Variants in GOLGA4 observed in about 807,000 individuals in gnomAD.
The protein encoded by GOLGA4 is golgin A4, also known as golgin subfamily A member 4.
A neutral mutation model predicts 265.9 loss-of-function variants in GOLGA4; 169 were observed. The observed-to-expected ratio is 0.64, with a 90% CI of 0.56 to 0.72. GOLGA4 has a LOEUF of 0.72. GOLGA4 is among the 30% of genes least tolerant of loss of function. The pLI, the probability that GOLGA4 is intolerant of heterozygous loss-of-function variation, is 0.00. For synonymous variants in GOLGA4, 923 were observed against 855.8 expected (o/e 1.08, Z -1.37); for missense variants, 2,482 against 2,483.4 (o/e 1.00, Z 0.01).
Position 37,243,465 on chromosome 3 carries a change from A to G in GOLGA4, c.-86A>G. On this transcript the variant is annotated 5_prime_UTR_variant, in exon 1 of 24. Coordinates refer to ENST00000361924, the MANE Select transcript of GOLGA4 (RefSeq NM_002078.5). ...GCCCCCGCTGTCCCTGGTGTAAAGA[A>G]GTCGCCGTAGCCGTCGCGGCCGGGA... The G allele has an allele frequency of 8.7e-7, 1 of 1,143,618 alleles. No homozygotes were observed. The highest frequency in any genetic ancestry group is 1.3e-6 in the Non-Finnish European group (1 of 753,660). 70.8% of individuals were successfully genotyped at this position (1,143,618 alleles called of 1,614,324 possible).
At position 37,251,316 on chromosome 3, in the gene GOLGA4, A is replaced by G. The variant is rs2096733015; in HGVS notation, c.73-79A>G. On this transcript the variant is annotated intron_variant, in intron 1 of 23. Transcript: ENST00000361924. ...CTTTCACTGAATTCTTTGGGCATGG[A>G]CTGAGAGAAGGACTACCTAGTTCAT... 4 of 822,278 alleles carry G rather than the reference A, an allele frequency of 4.9e-6. No homozygotes were observed. In the South Asian group the frequency reaches 5.9e-5, roughly 12 times the overall value. The allele number at this position is 822,278 out of a possible 1,614,324, so 50.9% of individuals were successfully genotyped here. A position where few individuals can be genotyped will look rare whatever the true frequency, so the allele number is the denominator to read the frequency against.
At chr3:37,291,289 A>G (rs533449598) in intron 5 of GOLGA4, among the ~76,000 whole-genome samples, 9 of 151,702 alleles carry the variant, frequency 5.9e-5, no homozygotes, top group East Asian at 3.9e-4. Flanking sequence ...TTTCCTTCCT[A>G]TGCTCAGCCC....
At chr3:37,279,803 A>G (rs2096829777) in intron 2 of GOLGA4, among the ~76,000 whole-genome samples, 1 of 151,984 alleles carries the variant, frequency 6.6e-6, no homozygotes, top group Non-Finnish European at 1.5e-5. Context: ...GCTACTTGGA[A>G]GGCTGAGGCA....
chr3:37,337,931 C>T (rs533538281), intron 19 of GOLGA4, among the ~76,000 whole-genome samples, 197 bp downstream of exon 19: 1 of 152,210 alleles, frequency 6.6e-6, no homozygotes, highest in South Asian at 2.1e-4. Context: ...ACATTTGTAT[C>T]ATATTATTTT....
At chr3:37,251,872 G>A (rs1178659903) in intron 2 of GOLGA4, among the ~76,000 whole-genome samples, 1 of 152,040 alleles carries the variant, frequency 6.6e-6, no homozygotes, top group Admixed American at 6.6e-5. Context: ...TTCGTAGACG[G>A]GGTCCCACTA....
intron 5 of GOLGA4, among the ~76,000 whole-genome samples, chr3:37,291,753 T>G (rs1305198380): frequency 2.0e-5 from 3 of 152,170 alleles, no homozygotes; most frequent in Non-Finnish European, 4.4e-5. Flanking sequence ...AGACCAGAGG[T>G]AAGGGAATAT....
At chr3:37,318,714 C>T (rs1237408133) in intron 11 of GOLGA4, among the ~76,000 whole-genome samples, 2 of 152,218 alleles carry the variant, frequency 1.3e-5, no homozygotes, top group East Asian at 1.9e-4. Flanking sequence ...ATTGGTGCAG[C>T]GAGGGCGCAC....
Position 37,324,256 on chromosome 3 carries a change from A to G in GOLGA4, c.2370A>G (p.Glu790=). 6.2e-7 allele frequency: 1 copy of G among 1,614,202 alleles called. No homozygotes were observed. The highest frequency in any genetic ancestry group is 1.1e-5 in the South Asian group (1 of 91,084). ...TAGAGGCAGATATTAAAAGGTCTGA[A>G]GGGGAACTCCAGCAGGCATCTGCTA... ...ENLEADIKRS[E]GELQQASAKL... Residue 790 remains glutamate, a synonymous_variant, in exon 14 of 24, where the codon GAA becomes GAG. Coordinates refer to ENST00000361924, the MANE Select transcript of GOLGA4 (RefSeq NM_002078.5).
At chr3:37,248,808 G>A (rs139790582) in intron 1 of GOLGA4, among the ~76,000 whole-genome samples, 1 of 152,274 alleles carries the variant, frequency 6.6e-6, no homozygotes, top group East Asian at 1.9e-4. Context: ...AAGACGTAAT[G>A]CCAATTTTTC....
At chr3:37,350,395 T>C (rs1409561730) in intron 21 of GOLGA4, among the ~76,000 whole-genome samples, 2 of 152,160 alleles carry the variant, frequency 1.3e-5, no homozygotes, top group Non-Finnish European at 2.9e-5. Context: ...CCAAACATGC[T>C]TGTGCATGCA....
intron 2 of GOLGA4, chr3:37,276,435 A>G (rs2096818972): frequency 2.5e-6 from 4 of 1,609,362 alleles, no homozygotes; most frequent in East Asian, 2.2e-5. Context: ...ATCAGAGAGC[A>G]TCAGATGGCC....
Position 37,325,488 on chromosome 3 carries a change from A to C in GOLGA4, c.3602A>C (p.Asp1201Ala). 1 of 1,613,706 alleles carries C rather than the reference A, an allele frequency of 6.2e-7. No homozygotes were observed. Among genetic ancestry groups the C allele is most frequent in the African/African-American group, 1.3e-5 (1 of 75,034 alleles). The stretch of plus-strand genomic sequence containing the variant: ...GAAAAAAGTAACAAAAGCCTAGAGG[A>C]CAAGAGCTTGGAATTTAAAAAACTG... Reference protein sequence around the residue: ...SHEKSNKSLEDKSLEFKKLSE... With the variant: ...SHEKSNKSLEAKSLEFKKLSE... The change falls in exon 14 of 24, where the codon GAC becomes GCC. Residue 1201 changes from aspartate to alanine, a missense_variant. Asp to Ala is a moderately radical substitution (Grantham distance 126, BLOSUM62 -2). Coordinates refer to ENST00000361924, the MANE Select transcript of GOLGA4 (RefSeq NM_002078.5).
chr3:37,335,963 G>A (rs1038264369), intron 17 of GOLGA4, among the ~76,000 whole-genome samples: 1 of 152,136 alleles, frequency 6.6e-6, no homozygotes, highest in Non-Finnish European at 1.5e-5. Flanking sequence ...GGGGTAATGG[G>A]AAAGTGGGTG....
chr3:37,289,992 T>C (rs1014296791), intron 5 of GOLGA4, among the ~76,000 whole-genome samples: 1 of 152,236 alleles, frequency 6.6e-6, no homozygotes, highest in Admixed American at 6.5e-5. Flanking sequence ...TTTGTTACTT[T>C]CTGTTAATTT....
In GOLGA4 at chr3:37,314,366, T is replaced by C. The variant is rs535584191; in HGVS notation, c.1235-1054T>C. ...TGGCTTCCTTAAAGACCTGGCCAGA[T>C]GCAGTGTCTCATGCCTGTAATTCCA... is the stretch of plus-strand genomic sequence containing the variant. On this transcript the variant is annotated intron_variant, in intron 10 of 23. Coordinates refer to ENST00000361924, the MANE Select transcript of GOLGA4 (RefSeq NM_002078.5). Among the ~76,000 whole-genome samples, 691 of 152,168 alleles carry C rather than the reference T, an allele frequency of 4.5e-3. 5 individuals carry two copies. Among genetic ancestry groups the C allele is most frequent in the Non-Finnish European group, 7.7e-3 (521 of 67,990 alleles).
intron 16 of GOLGA4, among the ~76,000 whole-genome samples, chr3:37,331,556 G>C (rs375610934): frequency 1.3e-5 from 2 of 152,100 alleles, no homozygotes; most frequent in Non-Finnish European, 1.5e-5. Context: ...TGGGATTGGA[G>C]TTTCATATGG....
chr3:37,267,215 C>CT (rs552286875), intron 2 of GOLGA4, among the ~76,000 whole-genome samples: 1 of 152,128 alleles, frequency 6.6e-6, no homozygotes, highest in Non-Finnish European at 1.5e-5. Flanking sequence ...ACTCTAACCT[C>CT]TTTTTTTCCT....
At chr3:37,355,511 A>T (rs1207855473) in intron 22 of GOLGA4, among the ~76,000 whole-genome samples, 1 of 152,114 alleles carries the variant, frequency 6.6e-6, no homozygotes, top group Non-Finnish European at 1.5e-5. Flanking sequence ...TCCAGTAATA[A>T]TTTTTTAAAC....
intron 9 of GOLGA4, among the ~76,000 whole-genome samples, chr3:37,300,308 C>T (rs143375286): frequency 1.3e-3 from 200 of 152,256 alleles, no homozygotes; most frequent in African/African-American, 4.4e-3. Flanking sequence ...CCAGTTTGTT[C>T]CATAGCATCC....
Sources: allele counts gnomAD v4.1 joint callset (sites outside exome capture counted in the v4.1 genomes callset), GRCh38; gene constraint gnomAD v4.1.1; transcripts MANE v1.5; gene names NCBI Gene and HGNC (gene_info 2026-07-23, HGNC 2026-07-21).